KCNN1: variants seen among roughly 807,000 people sequenced by gnomAD.
The protein encoded by KCNN1 is potassium calcium-activated channel subfamily N member 1, also known as small conductance calcium-activated potassium channel protein 1.
A neutral mutation model predicts 44.7 loss-of-function variants in KCNN1; 20 were observed. The ratio of observed to expected loss-of-function variants is 0.45; its 90% CI spans 0.32 to 0.65. KCNN1 has a LOEUF of 0.65. Ranked by LOEUF, KCNN1 falls within the 30% of genes least tolerant of loss-of-function variation. The probability of loss-of-function intolerance (pLI) is 0.05; values close to 1 mark genes in which losing one functional copy is unlikely to be tolerated. For synonymous variants in KCNN1, 324 were observed against 341.7 expected (o/e 0.95, Z 0.57); for missense variants, 632 against 785.3 (o/e 0.80, Z 2.33).
chr19:17,970,201 C>T (rs2031961871), intron 1 of KCNN1, among the ~76,000 whole-genome samples: 1 of 149,418 alleles, frequency 6.7e-6, no homozygotes, highest in Admixed American at 6.8e-5. Context: ...TCACAGGAAG[C>T]CACAGCCTGA....
Position 17,993,546 on chromosome 19 carries a change from C to T in KCNN1, c.1364C>T (p.Thr455Ile). ...CTGAACGACCAGGCTAACACGCTTA[C>T]CGACCTAGCCAAGGTGAGTGGGTTG... is the stretch of plus-strand genomic sequence containing the variant. ...GKLNDQANTL[T>I]DLAKTQTVMY... is the part of the protein sequence containing the mutation. The change falls in exon 9 of 10, where the codon ACC (threonine) becomes ATC (isoleucine). Residue 455 changes from threonine (T) to isoleucine (I), a missense_variant. Transcript: ENST00000684775. The surrounding 1 kb of genome is among the most constrained non-coding windows in gnomAD (Gnocchi z 4.5). 6.2e-7 allele frequency: 1 copy of T among 1,613,874 alleles called. No homozygotes were observed. The highest frequency in any genetic ancestry group is 8.5e-7 in the Non-Finnish European group (1 of 1,179,834).
chr19:17,968,957 C>T (rs1401078998), intron 1 of KCNN1, among the ~76,000 whole-genome samples: 1 of 152,166 alleles, frequency 6.6e-6, no homozygotes, highest in Admixed American at 6.5e-5. Flanking sequence ...TCTTGAATAG[C>T]TGGAACTAGG....
At chr19:17,982,588 C>T in intron 4 of KCNN1, 2 of 985,318 alleles carry the variant, frequency 2.0e-6, no homozygotes, top group Non-Finnish European at 2.4e-6. Flanking sequence ...TGAGTCCCAC[C>T]CTCCGCTGAG....
intron 5 of KCNN1, among the ~76,000 whole-genome samples, chr19:17,986,280 T>A (rs957038320): frequency 1.3e-5 from 2 of 152,014 alleles, no homozygotes; most frequent in Non-Finnish European, 2.9e-5. Context: ...TGAGAATTGC[T>A]TGAACCCAGG....
intron 1 of KCNN1, among the ~76,000 whole-genome samples, chr19:17,973,578 G>A (rs907977999): frequency 4.6e-5 from 7 of 152,076 alleles, no homozygotes; most frequent in African/African-American, 1.2e-4. Context: ...CACCATGCCC[G>A]GCTCTCTGGG....
At chr19:17,969,221 C>A (rs1042953381) in intron 1 of KCNN1, among the ~76,000 whole-genome samples, 1 of 152,092 alleles carries the variant, frequency 6.6e-6, no homozygotes, top group East Asian at 1.9e-4. Flanking sequence ...GGCTTCTCGA[C>A]GGCAGGACCA....
At chr19:17,986,270 T>A (rs1237746416) in intron 5 of KCNN1, among the ~76,000 whole-genome samples, 1 of 151,114 alleles carries the variant, frequency 6.6e-6, no homozygotes, top group Non-Finnish European at 1.5e-5. Context: ...GGCTGAGGCA[T>A]GAGAATTGCT....
At position 17,968,237 on chromosome 19, in the gene KCNN1, C is replaced by G. The variant is rs533646390; in HGVS notation, c.-82+920C>G. Among the ~76,000 whole-genome samples the G allele has an allele frequency of 5.3e-3, 799 of 152,150 alleles. 7 individuals are homozygous for G. The highest frequency in any genetic ancestry group is 0.018 in the African/African-American group (761 of 41,506). On this transcript the variant is annotated intron_variant, in intron 1 of 9. Coordinates refer to ENST00000684775, the MANE Select transcript of KCNN1 (RefSeq NM_001386974.1). ...TGTGTGCTGATCTGGTTGTGGTACC[C>G]GGAAGCCCCTGGGTGTGCATCTGGG...
In KCNN1 at chr19:17,967,115, G is replaced by A; in HGVS notation, c.-284G>A. 1 of 978,320 alleles carries A rather than the reference G, an allele frequency of 1.0e-6. No homozygotes were observed. The highest frequency in any genetic ancestry group is 1.2e-6 in the Non-Finnish European group (1 of 825,742). 60.6% of individuals were successfully genotyped at this position (978,320 alleles called of 1,614,324 possible). ...TCTCTCCCGGCCCGGGCGGGCGCTC[G>A]CCCCCCGCCGGGCCCGTGGACTGGG... is the stretch of plus-strand genomic sequence containing the variant. On this transcript the variant is annotated 5_prime_UTR_variant, in exon 1 of 10. Coordinates refer to ENST00000684775, the MANE Select transcript of KCNN1 (RefSeq NM_001386974.1).
chr19:17,960,630 C>CA (rs139345340), intron 2 of KCNN1, among the ~76,000 whole-genome samples: 13,325 of 149,392 alleles, frequency 0.089, 784 homozygotes, highest in Admixed American at 0.15. Flanking sequence ...AACTCTGTCT[C>CA]AAAAAAAAGA....
At chr19:17,955,625 A>ATATC in intron 2 of KCNN1, among the ~76,000 whole-genome samples, 1 of 151,150 alleles carries the variant, frequency 6.6e-6, no homozygotes. Flanking sequence ...TATATCATAT[A>ATATC]TATCATGATG....
chr19:17,992,781 C>T (rs75234268), intron 7 of KCNN1, among the ~76,000 whole-genome samples: 93 of 152,308 alleles, frequency 6.1e-4, no homozygotes, highest in African/African-American at 2.1e-3. Context: ...CTCAGTTTCC[C>T]CCTCAGGAGA....
intron 2 of KCNN1, among the ~76,000 whole-genome samples, chr19:17,958,048 C>G (rs1454331516): frequency 1.3e-5 from 2 of 152,008 alleles, no homozygotes; most frequent in South Asian, 2.1e-4. Context: ...TTGGGGAAAC[C>G]TGGGAAGGCA....
chr19:17,999,934 G>A lies in KCNN1; in HGVS notation c.*1528G>A, dbSNP rs886291628. 30 of 455,472 alleles carry A rather than the reference G, an allele frequency of 6.6e-5. No homozygotes were observed. Among genetic ancestry groups the A allele is most frequent in the Admixed American group, 6.4e-4 (27 of 42,512 alleles). 28.2% of individuals were successfully genotyped at this position (455,472 alleles called of 1,614,324 possible). A position where few individuals can be genotyped will look rare whatever the true frequency, so the allele number is the denominator to read the frequency against. ...CGAGTCCTGACTCTGCCACTGCTGG[G>A]TGACTCTGAGCAGTGGCTGCCCCTC... On this transcript the variant is annotated 3_prime_UTR_variant, in exon 10 of 10. Coordinates refer to ENST00000684775, the MANE Select transcript of KCNN1 (RefSeq NM_001386974.1).
chr19:17,973,478 G>A (rs543132441), intron 1 of KCNN1, among the ~76,000 whole-genome samples: 1 of 152,150 alleles, frequency 6.6e-6, no homozygotes, highest in Admixed American at 6.6e-5. Context: ...ACTGGTTTTC[G>A]CCATGTTGGC....
At chr19:17,968,198 C>T (rs988170659) in intron 1 of KCNN1, among the ~76,000 whole-genome samples, 2 of 152,012 alleles carry the variant, frequency 1.3e-5, no homozygotes, top group African/African-American at 4.8e-5. Context: ...CCCACATGTC[C>T]CAGAAGTTTC....
chr19:17,970,758 G>T (rs1441673606), intron 1 of KCNN1, among the ~76,000 whole-genome samples: 1 of 152,084 alleles, frequency 6.6e-6, no homozygotes, highest in Admixed American at 6.6e-5. Flanking sequence ...CCTGTGTGCT[G>T]ACACCAGTAT....
chr19:17,991,408 G>A (rs1162396498), intron 7 of KCNN1, among the ~76,000 whole-genome samples: 1 of 151,992 alleles, frequency 6.6e-6, no homozygotes, highest in Non-Finnish European at 1.5e-5. Flanking sequence ...CTGTGATTGC[G>A]CCACTGCACT....
rs377661846 is a variant in KCNN1 at position 17,968,471 on chromosome 19, G to A, written c.-82+1154G>A. Among the ~76,000 whole-genome samples the A allele has an allele frequency of 1.1e-3, 168 of 152,186 alleles. 1 individual carries two copies. The highest frequency in any genetic ancestry group is 3.8e-3 in the African/African-American group (157 of 41,510). Reference sequence around the variant, plus strand: ...AATCTTTACAAAGCAGGTGGCCAAGGAGTGGGCAGTAACTTGCTCCCTGGC... The same window carrying A: ...AATCTTTACAAAGCAGGTGGCCAAGAAGTGGGCAGTAACTTGCTCCCTGGC... On this transcript the variant is annotated intron_variant, in intron 1 of 9. Coordinates refer to ENST00000684775, the MANE Select transcript of KCNN1 (RefSeq NM_001386974.1).
Sources: allele counts gnomAD v4.1 joint callset (sites outside exome capture counted in the v4.1 genomes callset), GRCh38; gene constraint gnomAD v4.1.1; non-coding constraint Gnocchi (gnomAD v3.1); transcripts MANE v1.5; gene names NCBI Gene and HGNC (gene_info 2026-07-23, HGNC 2026-07-21).